Variants in CLEC16A observed in about 807,000 individuals in gnomAD.
CLEC16A encodes the protein C-type lectin domain containing 16A.
In CLEC16A, 51 loss-of-function variants were observed where a neutral mutation model predicts 109.5. The observed-to-expected ratio is 0.47, with a 90% CI of 0.37 to 0.59. The LOEUF (loss-of-function observed/expected upper bound fraction) is 0.59, where lower values mean the gene tolerates loss of function less well. CLEC16A is among the 20% of genes least tolerant of loss of function. CLEC16A has a pLI of 0.00. For missense variants in CLEC16A, 1,339 were observed against 1,394.0 expected, an observed-to-expected ratio of 0.96 and a Z score of 0.63; for synonymous variants, 673 against 564.2, an observed-to-expected ratio of 1.19 and a Z score of -2.73.
chr16:11,137,847 G>A (rs974403178), intron 22 of CLEC16A, among the ~76,000 whole-genome samples: 5 of 152,112 alleles, frequency 3.3e-5, no homozygotes, highest in Non-Finnish European at 5.9e-5. Flanking sequence ...ATTGCCGAGT[G>A]CACAGTTGGT....
chr16:11,060,221 G>T (rs2048406995), intron 18 of CLEC16A, among the ~76,000 whole-genome samples: 1 of 152,216 alleles, frequency 6.6e-6, no homozygotes, highest in South Asian at 2.1e-4. Flanking sequence ...AGCCTGAGGG[G>T]CATTCAGGGA....
At chr16:11,104,485 C>A (rs1015175460) in intron 19 of CLEC16A, among the ~76,000 whole-genome samples, 2 of 152,154 alleles carry the variant, frequency 1.3e-5, no homozygotes, top group African/African-American at 2.4e-5. Context: ...GACCTCACCC[C>A]CTAAGGAAGG....
rs183565363 is a variant in CLEC16A, at chr16:11,164,315, C to T, written c.2642-2073C>T. Among the ~76,000 whole-genome samples the T allele has an allele frequency of 3.9e-5, 6 of 152,330 alleles. No individual in the cohort carries two copies. In the East Asian group the frequency reaches 1.2e-3, roughly 29 times the overall value. On this transcript the variant is annotated intron_variant, in intron 22 of 23. Coordinates refer to ENST00000409790, the MANE Select transcript of CLEC16A (RefSeq NM_015226.3). Reference sequence around the variant, plus strand: ...AGCGCTTGTTAAGTCACCCCCAAAACCCAACTGGGGGTATAAATAGGGCCC... The same window carrying T: ...AGCGCTTGTTAAGTCACCCCCAAAATCCAACTGGGGGTATAAATAGGGCCC...
intron 19 of CLEC16A, among the ~76,000 whole-genome samples, chr16:11,066,204 C>T (rs1019076886): frequency 1.3e-5 from 2 of 152,042 alleles, no homozygotes; most frequent in South Asian, 2.1e-4. Flanking sequence ...ATTATCTGTG[C>T]TGTGCCTAGA....
chr16:11,031,204 G>C (rs2046723132), intron 13 of CLEC16A, among the ~76,000 whole-genome samples: 1 of 152,218 alleles, frequency 6.6e-6, no homozygotes, highest in Non-Finnish European at 1.5e-5. Context: ...TTGCTGCTCA[G>C]CTATGTGGCA....
chr16:10,978,007 T>C (rs2043116301), intron 8 of CLEC16A, among the ~76,000 whole-genome samples: 1 of 152,208 alleles, frequency 6.6e-6, no homozygotes, highest in Non-Finnish European at 1.5e-5. Flanking sequence ...TTCCCTGAAG[T>C]GTTCTCCTCC....
chr16:11,061,325 T>C (rs909527585), intron 19 of CLEC16A, among the ~76,000 whole-genome samples: 1 of 152,210 alleles, frequency 6.6e-6, no homozygotes, highest in Non-Finnish European at 1.5e-5. Flanking sequence ...GTCCTCCCTA[T>C]AAACATAGTG....
At chr16:11,133,432 C>T (rs1408160500) in intron 22 of CLEC16A, among the ~76,000 whole-genome samples, 3 of 152,038 alleles carry the variant, frequency 2.0e-5, no homozygotes, top group South Asian at 4.1e-4. Context: ...GCACCTAAAC[C>T]GGCAGGGTCA....
chr16:10,968,686 ATT>A (rs1181846725), intron 3 of CLEC16A, among the ~76,000 whole-genome samples: 2 of 152,154 alleles, frequency 1.3e-5, no homozygotes, highest in African/African-American at 4.8e-5. Flanking sequence ...TGTAGTAGGG[ATT>A]CAGCAGGAAG....
intron 19 of CLEC16A, among the ~76,000 whole-genome samples, chr16:11,119,065 G>C (rs530822015): frequency 6.6e-6 from 1 of 152,124 alleles, no homozygotes; most frequent in Admixed American, 6.6e-5. Context: ...GCTGTGGTGC[G>C]ATCTTGGCTC....
intron 18 of CLEC16A, among the ~76,000 whole-genome samples, chr16:11,059,381 TAC>T (rs1288393075): frequency 6.6e-6 from 1 of 152,224 alleles, no homozygotes; most frequent in Non-Finnish European, 1.5e-5. Flanking sequence ...CTTTCTGGTT[TAC>T]AGAGGACTGC....
chr16:11,091,498 T>A, intron 19 of CLEC16A, among the ~76,000 whole-genome samples: 1 of 152,166 alleles, frequency 6.6e-6, no homozygotes, highest in East Asian at 1.9e-4. Context: ...GTCTCAGGCC[T>A]CCCCCACCTC....
intron 13 of CLEC16A, among the ~76,000 whole-genome samples, chr16:11,033,341 T>G (rs1445572908): frequency 6.6e-6 from 1 of 152,100 alleles, no homozygotes; most frequent in African/African-American, 2.4e-5. Context: ...GGTTCCTGAC[T>G]CCTTTCCCTG....
At chr16:10,958,685 CTTGAGCCCAGGAGT>C (rs1371963357) in intron 2 of CLEC16A, among the ~76,000 whole-genome samples, 2 of 152,174 alleles carry the variant, frequency 1.3e-5, no homozygotes, top group African/African-American at 4.8e-5. Context: ...AGGAGGATCG[CTTGAGCCCAGGAGT>C]TTGAGACCAG....
intron 14 of CLEC16A, chr16:11,040,209 A>G (rs1277350143): frequency 3.8e-6 from 1 of 263,560 alleles, no homozygotes; most frequent in African/African-American, 2.2e-5. Context: ...ATTATGAGAA[A>G]GAACTAGGCT....
chr16:11,126,033 G>A lies in CLEC16A; in HGVS notation c.2528G>A (p.Gly843Asp), dbSNP rs2052787954. Residue 843 changes from glycine (G) to aspartate (D), a missense_variant, in exon 22 of 24, where the codon GGC becomes GAC. By Grantham distance (94) the Gly-to-Asp change is moderately conservative. Coordinates refer to ENST00000409790, the MANE Select transcript of CLEC16A (RefSeq NM_015226.3). ...ACTGAAGTCCTGGGGTTTGGACTCG[G>A]CTCCTCCACCTCCACTCAGCACCTG... ...PTTEVLGFGLGSSTSTQHLPF... is the reference protein window; with the variant it reads ...PTTEVLGFGLDSSTSTQHLPF... 2 of 1,613,458 alleles carry A rather than the reference G, an allele frequency of 1.2e-6. No homozygotes were observed. Among genetic ancestry groups the A allele is most frequent in the Admixed American group, 1.7e-5 (1 of 59,924 alleles).
intron 22 of CLEC16A, among the ~76,000 whole-genome samples, chr16:11,129,071 C>A (rs2053022386): frequency 6.6e-6 from 1 of 152,186 alleles, no homozygotes; most frequent in Non-Finnish European, 1.5e-5. Context: ...TCCCCCAACC[C>A]CAAGCTCACT....
At chr16:11,167,483 C>A (rs993766685) in intron 23 of CLEC16A, among the ~76,000 whole-genome samples, 15 of 152,270 alleles carry the variant, frequency 9.9e-5, no homozygotes, top group Admixed American at 5.2e-4. Flanking sequence ...AGGACACGGG[C>A]TACTGCAGAG....
At position 10,957,791 on chromosome 16, in the gene CLEC16A, C is replaced by T. The variant is rs780115540; in HGVS notation, c.90C>T (p.Tyr30=). ...CTCTCATTTCTCTCAGGTATCTGTA[C>T]CACGTTTTGACCAAAAACACCACAG... The part of the protein sequence containing the change: ...IHSLDHLKYL[Y]HVLTKNTTVT... Residue 30 remains tyrosine (Y), a synonymous_variant, in exon 2 of 24, where the codon TAC becomes TAT. Coordinates refer to ENST00000409790, the MANE Select transcript of CLEC16A (RefSeq NM_015226.3). 3 of 1,613,838 alleles carry T rather than the reference C, an allele frequency of 1.9e-6. No individual in the cohort carries two copies. Among genetic ancestry groups the T allele is most frequent in the Non-Finnish European group, 2.5e-6 (3 of 1,179,800 alleles).
Sources: gnomAD v4.1 joint callset for allele counts (sites outside exome capture counted in the v4.1 genomes callset) on GRCh38, gnomAD v4.1.1 for gene constraint, MANE v1.5 for transcripts, NCBI Gene and HGNC (gene_info 2026-07-23, HGNC 2026-07-21) for gene names.